Variants in KCNIP4 observed in about 807,000 individuals in gnomAD.
KCNIP4 encodes Kv channel-interacting protein 4.
Under a neutral mutation model 34.0 loss-of-function variants are expected in KCNIP4, and 12 were observed. The observed-to-expected ratio is 0.35, with a 90% CI of 0.23 to 0.57. The LOEUF is 0.57. KCNIP4 is among the 20% of genes least tolerant of loss of function. The probability of loss-of-function intolerance (pLI) is 0.83; values close to 1 mark genes in which losing one functional copy is unlikely to be tolerated. For synonymous variants in KCNIP4, 124 were observed against 102.2 expected (o/e 1.21, Z -1.29); for missense variants, 238 against 311.7 (o/e 0.76, Z 1.78).
chr4:21,242,962 C>T (rs1348389197), intron 1 of KCNIP4, among the ~76,000 whole-genome samples: 3 of 151,606 alleles, frequency 2.0e-5, no homozygotes, highest in Non-Finnish European at 4.4e-5. Context: ...CAACAGTAAC[C>T]AGTCAACAAG....
intron 3 of KCNIP4, among the ~76,000 whole-genome samples, chr4:20,846,825 A>G (rs1010972182): frequency 6.6e-6 from 1 of 152,104 alleles, no homozygotes; most frequent in African/African-American, 2.4e-5. Flanking sequence ...ATGGTTCTCA[A>G]TCTTGCCTAC....
At chr4:21,814,176 C>A (rs558852332) in intron 1 of KCNIP4, among the ~76,000 whole-genome samples, 65 of 152,212 alleles carry the variant, frequency 4.3e-4, no homozygotes, top group Non-Finnish European at 7.2e-4. Flanking sequence ...TCTAATCTAA[C>A]CTTTTCTGAT....
chr4:21,760,824 T>A (rs1256433449), intron 1 of KCNIP4, among the ~76,000 whole-genome samples: 2 of 152,124 alleles, frequency 1.3e-5, no homozygotes, highest in African/African-American at 4.8e-5. Context: ...CTATTTTCCA[T>A]CCACACTCCC....
intron 1 of KCNIP4, among the ~76,000 whole-genome samples, chr4:21,423,796 T>C (rs182241911): frequency 6.6e-6 from 1 of 150,380 alleles, no homozygotes; most frequent in African/African-American, 2.4e-5. Context: ...TTGAGCCATA[T>C]GACTTATGAG....
At chr4:21,643,385 T>C (rs917795443) in intron 1 of KCNIP4, among the ~76,000 whole-genome samples, 2 of 152,290 alleles carry the variant, frequency 1.3e-5, no homozygotes, top group South Asian at 4.1e-4. Flanking sequence ...AGGATAGTAG[T>C]ATTAATCATG....
intron 1 of KCNIP4, among the ~76,000 whole-genome samples, chr4:21,504,266 G>C (rs1457945926): frequency 6.6e-6 from 1 of 151,838 alleles, no homozygotes; most frequent in Non-Finnish European, 1.5e-5. Flanking sequence ...TCAGGAGTTC[G>C]AGACCAGCCT....
At chr4:21,452,081 C>T (rs1231164545) in intron 1 of KCNIP4, among the ~76,000 whole-genome samples, 3 of 152,024 alleles carry the variant, frequency 2.0e-5, no homozygotes, top group Admixed American at 6.6e-5. Flanking sequence ...GGATAATTTA[C>T]CTCCCTAACT....
intron 3 of KCNIP4, among the ~76,000 whole-genome samples, chr4:20,815,106 A>T (rs538904264): frequency 6.6e-6 from 1 of 152,304 alleles, no homozygotes; most frequent in South Asian, 2.1e-4. Context: ...CAACTTAATC[A>T]TTATTATTGT....
chr4:20,957,154 G>A (rs909046124), intron 1 of KCNIP4, among the ~76,000 whole-genome samples: 2 of 152,164 alleles, frequency 1.3e-5, no homozygotes, highest in African/African-American at 4.8e-5. Flanking sequence ...CAAAACAGAT[G>A]CATTAAGTAA....
chr4:21,334,354 G>A (rs1433369833), intron 1 of KCNIP4, among the ~76,000 whole-genome samples: 1 of 150,968 alleles, frequency 6.6e-6, no homozygotes, highest in Non-Finnish European at 1.5e-5. Flanking sequence ...GCTTCAGAAT[G>A]ATGTGTTCTG....
At chr4:21,499,760 ACAGT>A (rs976236690) in intron 1 of KCNIP4, among the ~76,000 whole-genome samples, 3 of 152,168 alleles carry the variant, frequency 2.0e-5, no homozygotes, top group Non-Finnish European at 2.9e-5. Context: ...CAACAATTAC[ACAGT>A]CACTTTGAAA....
rs116655394 is a variant in KCNIP4, at chr4:21,014,711, G to A, written c.62-132002C>T. Among the ~76,000 whole-genome samples the A allele has an allele frequency of 8.5e-3, 1,290 of 152,230 alleles. 14 individuals carry two copies. The highest frequency in any genetic ancestry group is 0.03 in the African/African-American group (1,233 of 41,536). On this transcript the variant is annotated intron_variant, in intron 1 of 8. Coordinates refer to ENST00000382152, the MANE Select transcript of KCNIP4 (RefSeq NM_025221.6). Reference sequence around the variant, plus strand: ...CTGCTGAGGAAAATGGTATGGTAGGGCCTCAAACAGTTAAACGTAGCATTA... The same window carrying A: ...CTGCTGAGGAAAATGGTATGGTAGGACCTCAAACAGTTAAACGTAGCATTA...
intron 1 of KCNIP4, among the ~76,000 whole-genome samples, chr4:21,005,336 A>T (rs1474800033): frequency 6.6e-6 from 1 of 152,168 alleles, no homozygotes; most frequent in Non-Finnish European, 1.5e-5. Context: ...CTTCTCAAAT[A>T]ATCAGGAGAA....
intron 2 of KCNIP4, chr4:20,850,872 T>G: frequency 2.2e-6 from 1 of 451,076 alleles, no homozygotes; most frequent in Non-Finnish European, 3.9e-6. Flanking sequence ...TTTTTGCATA[T>G]TCTTGTCATT....
intron 1 of KCNIP4, among the ~76,000 whole-genome samples, chr4:21,076,985 C>T (rs1256693938): frequency 6.6e-6 from 1 of 151,870 alleles, no homozygotes. Flanking sequence ...ATTAGCTGGG[C>T]GTGATGGCAT....
intron 1 of KCNIP4, among the ~76,000 whole-genome samples, chr4:21,821,728 G>GATGA (rs1015587835): frequency 2.2e-4 from 33 of 152,176 alleles, no homozygotes; most frequent in African/African-American, 5.8e-4. Context: ...AATGATGTTA[G>GATGA]ATGAATGAAT....
At chr4:21,013,455 C>T (rs761504622) in intron 1 of KCNIP4, among the ~76,000 whole-genome samples, 3 of 152,030 alleles carry the variant, frequency 2.0e-5, no homozygotes, top group Admixed American at 6.6e-5. Context: ...CCCCCAGACA[C>T]CAGGCATGGG....
At chr4:21,444,482 A>T (rs766140840) in intron 1 of KCNIP4, among the ~76,000 whole-genome samples, 2 of 152,252 alleles carry the variant, frequency 1.3e-5, no homozygotes, top group Non-Finnish European at 2.9e-5. Context: ...TACGCAAATC[A>T]GTAAACATAA....
intron 1 of KCNIP4, among the ~76,000 whole-genome samples, chr4:21,898,269 C>T (rs1727511017): frequency 6.6e-6 from 1 of 152,112 alleles, no homozygotes; most frequent in African/African-American, 2.4e-5. Flanking sequence ...AGTCAGTGGT[C>T]TTGGGATGCA....
Sources: gnomAD v4.1 joint callset for allele counts (sites outside exome capture counted in the v4.1 genomes callset) on GRCh38, gnomAD v4.1.1 for gene constraint, MANE v1.5 for transcripts, NCBI Gene and HGNC (gene_info 2026-07-23, HGNC 2026-07-21) for gene names.